The following RAB5B variants were observed in gnomAD, a reference collection of about 807,000 sequenced individuals.
RAB5B encodes the protein RAB5B, member RAS oncogene family, also known as ras-related protein Rab-5B.
A neutral mutation model predicts 28.6 loss-of-function variants in RAB5B; 11 were observed. The observed-to-expected ratio is 0.38, with a 90% CI of 0.24 to 0.64. The LOEUF (loss-of-function observed/expected upper bound fraction) is 0.64. Ranked by LOEUF, RAB5B falls within the 30% of genes least tolerant of loss-of-function variation. RAB5B has a pLI of 0.53. For missense variants in RAB5B, 169 were observed against 265.6 expected (o/e 0.64, Z 2.53); for synonymous variants, 93 against 97.9 (o/e 0.95, Z 0.29).
chr12:55,996,003 A>ATATATATATTTTTTTTTTTT lies in RAB5B; in HGVS notation c.*3792_*3793insATATATATTTTTTTTTTTTT. The ATATATATATTTTTTTTTTTT allele has an allele frequency of 2.1e-5, 2 of 97,410 alleles. No homozygotes were observed. Among genetic ancestry groups the ATATATATATTTTTTTTTTTT allele is most frequent in the Non-Finnish European group, 4.0e-5 (2 of 50,484 alleles). 6.0% of individuals were successfully genotyped at this position (97,410 alleles called of 1,614,324 possible). ...TATATACATATATATATATATATAT[A>ATATATATATTTTTTTTTTTT]TTTTTTTTTTAACAACTGGTAGGAT... On this transcript the variant is annotated 3_prime_UTR_variant, in exon 6 of 6. Transcript: ENST00000360299.
intron 1 of RAB5B, among the ~76,000 whole-genome samples, chr12:55,976,824 A>G (rs1294296228): frequency 6.6e-6 from 1 of 152,146 alleles, no homozygotes; most frequent in African/African-American, 2.4e-5. Context: ...GGCATTTCAT[A>G]CTACCACCTT....
chr12:55,981,620 C>T (rs1264594343), intron 1 of RAB5B, among the ~76,000 whole-genome samples: 2 of 152,022 alleles, frequency 1.3e-5, no homozygotes, highest in African/African-American at 4.8e-5. Context: ...TGGAGTCTTA[C>T]TCTAGCTGGG....
Position 55,991,353 on chromosome 12 carries a change from C to A in RAB5B, c.439-7C>A. On this transcript the variant is annotated splice_region_variant and splice_polypyrimidine_tract_variant and intron_variant, in intron 4 of 5. Coordinates refer to ENST00000360299, the MANE Select transcript of RAB5B (RefSeq NM_002868.4). ...TTCTGAGCACTAATACATCCCACTC[C>A]TTGCAGGAGGCCCAGGCATATGCAG... 1 of 1,610,626 alleles carries A rather than the reference C, an allele frequency of 6.2e-7. No homozygotes were observed. The highest frequency in any genetic ancestry group is 2.2e-5 in the East Asian group (1 of 44,856).
At chr12:55,981,036 C>T in intron 1 of RAB5B, 16 of 1,612,918 alleles carry the variant, frequency 9.9e-6, no homozygotes, top group Admixed American at 1.7e-5. Flanking sequence ...TTGGCCATGG[C>T]GGACACCGGG....
chr12:55,974,988 T>C (rs1462793567), intron 1 of RAB5B, among the ~76,000 whole-genome samples: 1 of 152,164 alleles, frequency 6.6e-6, no homozygotes, highest in East Asian at 1.9e-4. Context: ...GTTGGCCTCA[T>C]AGCTGGTCTA....
At position 55,992,190 on chromosome 12, in the gene RAB5B, A is replaced by G. The variant is rs1890151515; in HGVS notation, c.626A>G (p.Lys209Arg). The G allele has an allele frequency of 6.2e-7, 1 of 1,613,960 alleles. No individual in the cohort carries two copies. Reference sequence around the variant, plus strand: ...CTCCATGAACAGTCCCAGCAGAACAAGAGCCAGTGTTGTAGCAACTGAGGG... The same window carrying G: ...CTCCATGAACAGTCCCAGCAGAACAGGAGCCAGTGTTGTAGCAACTGAGGG... Reference protein sequence around the residue: ...VDLHEQSQQNKSQCCSN With the variant: ...VDLHEQSQQNRSQCCSN The change falls in exon 6 of 6, where the codon AAG becomes AGG. Residue 209 changes from lysine (K) to arginine (R), a missense_variant. Around this residue, in one of 3 missense-constraint regions of RAB5B, gnomAD observed 123 missense variants for 162.4 expected, o/e 0.76. Coordinates refer to ENST00000360299, the MANE Select transcript of RAB5B (RefSeq NM_002868.4).
chr12:55,980,640 G>T, intron 1 of RAB5B: 3 of 1,597,352 alleles, frequency 1.9e-6, no homozygotes, highest in Non-Finnish European at 2.6e-6. Flanking sequence ...TGCTCCTTCT[G>T]CACCTTCCTC....
At chr12:55,977,683 C>T (rs1889684268) in intron 1 of RAB5B, among the ~76,000 whole-genome samples, 1 of 152,182 alleles carries the variant, frequency 6.6e-6, no homozygotes, top group African/African-American at 2.4e-5. Context: ...AATGCAGCAG[C>T]CCTCTTGGAG....
In RAB5B at chr12:55,996,321, A is replaced by G. The variant is rs1427183803; in HGVS notation, c.*4109A>G. 1 of 152,146 alleles carries G rather than the reference A, an allele frequency of 6.6e-6. No individual in the cohort carries two copies. Among genetic ancestry groups the G allele is most frequent in the African/African-American group, 2.4e-5 (1 of 41,408 alleles). The allele number at this position is 152,146 out of a possible 1,614,324, so 9.4% of individuals were successfully genotyped here. Reference sequence around the variant, plus strand: ...CCTCTAGAGGGCAGTGTATGGATACATTTGTCCAGATTGGGGGACTAGGTT... The same window carrying G: ...CCTCTAGAGGGCAGTGTATGGATACGTTTGTCCAGATTGGGGGACTAGGTT... On this transcript the variant is annotated 3_prime_UTR_variant, in exon 6 of 6. Coordinates refer to ENST00000360299, the MANE Select transcript of RAB5B (RefSeq NM_002868.4).
intron 1 of RAB5B, among the ~76,000 whole-genome samples, chr12:55,981,388 C>T (rs1315566487): frequency 6.6e-6 from 1 of 152,004 alleles, no homozygotes; most frequent in Non-Finnish European, 1.5e-5. Flanking sequence ...GTATGTGTCT[C>T]GGTTTCCTCA....
chr12:55,996,003 A>ATATATATTTTT lies in RAB5B; in HGVS notation c.*3792_*3793insATATATTTTTT. ...TATATACATATATATATATATATATATTTTTTTTTTAACAACTGGTAGGAT... is the reference window on the plus strand; with the variant it reads ...TATATACATATATATATATATATATATATATATTTTTTTTTTTTTTTAACAACTGGTAGGAT... On this transcript the variant is annotated 3_prime_UTR_variant, in exon 6 of 6. Transcript: ENST00000360299. 13 of 97,406 alleles carry ATATATATTTTT rather than the reference A, an allele frequency of 1.3e-4. No individual in the cohort carries two copies. Among genetic ancestry groups the ATATATATTTTT allele is most frequent in the East Asian group, 4.6e-4 (2 of 4,346 alleles). 6.0% of individuals were successfully genotyped at this position (97,406 alleles called of 1,614,324 possible). A position where few individuals can be genotyped will look rare whatever the true frequency, so the allele number is the denominator to read the frequency against.
Position 55,992,454 on chromosome 12 carries a change from T to A in RAB5B, c.*242T>A. The A allele has an allele frequency of 1.5e-6, 1 of 666,128 alleles. No individual in the cohort carries two copies. The highest frequency in any genetic ancestry group is 1.5e-5 in the South Asian group (1 of 66,366). The allele number at this position is 666,128 out of a possible 1,614,324, so 41.3% of individuals were successfully genotyped here. ...TTGGGGGTCAACTCCCCCCAGGACT[T>A]ACCTTCCAAAACAAACTTTCTTCAC... On this transcript the variant is annotated 3_prime_UTR_variant, in exon 6 of 6. Transcript: ENST00000360299.
At chr12:55,986,760 G>T in intron 1 of RAB5B, 109 bp from the exon 2 acceptor site, 1 of 600,890 alleles carries the variant, frequency 1.7e-6, no homozygotes, top group Non-Finnish European at 3.0e-6. Context: ...CCTTCTCAGA[G>T]CTAAGTCCTC....
At chr12:55,984,081 G>A (rs1022103654) in intron 1 of RAB5B, among the ~76,000 whole-genome samples, 1 of 151,834 alleles carries the variant, frequency 6.6e-6, no homozygotes, top group African/African-American at 2.4e-5. Flanking sequence ...GAGTGTGGTG[G>A]CACGATCTCG....
intron 1 of RAB5B, among the ~76,000 whole-genome samples, chr12:55,976,379 G>A (rs1225424425): frequency 6.6e-6 from 1 of 152,136 alleles, no homozygotes; most frequent in Non-Finnish European, 1.5e-5. Context: ...GGGCTGTACT[G>A]TGTGTTATTC....
At chr12:55,985,668 C>T (rs1889932692) in intron 1 of RAB5B, 5 of 455,574 alleles carry the variant, frequency 1.1e-5, no homozygotes, top group Non-Finnish European at 2.2e-5. Flanking sequence ...ATACTGATTG[C>T]TTGCAGACTT....
chr12:55,975,078 A>G (rs1012282960), intron 1 of RAB5B, among the ~76,000 whole-genome samples: 6 of 152,272 alleles, frequency 3.9e-5, no homozygotes, highest in African/African-American at 1.2e-4. Context: ...TGTTTTGTCC[A>G]CTTCTTTCCC....
At chr12:55,986,548 T>A (rs2136483366) in intron 1 of RAB5B, among the ~76,000 whole-genome samples, 1 of 152,342 alleles carries the variant, frequency 6.6e-6, no homozygotes, top group East Asian at 1.9e-4. Context: ...TCAGGCCAGC[T>A]AAAGGTTGAT....
At chr12:55,986,211 C>T (rs1049372108) in intron 1 of RAB5B, among the ~76,000 whole-genome samples, 1 of 152,126 alleles carries the variant, frequency 6.6e-6, no homozygotes, top group Non-Finnish European at 1.5e-5. Context: ...CTTTGGAAGG[C>T]CAAGGCGGGC....
Sources: allele counts gnomAD v4.1 joint callset (sites outside exome capture counted in the v4.1 genomes callset), GRCh38; gene constraint gnomAD v4.1.1; regional missense constraint gnomAD v4.1.1; transcripts MANE v1.5; gene names NCBI Gene and HGNC (gene_info 2026-07-23, HGNC 2026-07-21).